FHIT: variants seen among roughly 807,000 people sequenced by gnomAD.
FHIT encodes fragile histidine triad diadenosine triphosphatase, also known as bis(5'-adenosyl)-triphosphatase.
A neutral mutation model predicts 17.9 loss-of-function variants in FHIT; 19 were observed. The ratio of observed to expected loss-of-function variants is 1.06; its 90% CI spans 0.74 to 1.56. The LOEUF (loss-of-function observed/expected upper bound fraction) is 1.56. Among genes scored for constraint, FHIT ranks in the 40% most tolerant of loss-of-function variants. FHIT has a pLI of 0.00. For missense variants in FHIT, 248 were observed against 189.2 expected (o/e 1.31, Z -1.82); for synonymous variants, 81 against 69.7 (o/e 1.16, Z -0.81).
intron 8 of FHIT, among the ~76,000 whole-genome samples, chr3:59,775,479 T>C (rs575000427): frequency 5.3e-5 from 8 of 152,176 alleles, no homozygotes; most frequent in Non-Finnish European, 1.2e-4. Flanking sequence ...ACACAATCCA[T>C]TCCCGAGTTT....
intron 5 of FHIT, among the ~76,000 whole-genome samples, chr3:60,366,020 C>T (rs1393245038): frequency 6.6e-6 from 1 of 152,106 alleles, no homozygotes; most frequent in Non-Finnish European, 1.5e-5. Context: ...AAAATATATG[C>T]CTGACTATAA....
intron 2 of FHIT, among the ~76,000 whole-genome samples, chr3:61,120,114 T>C (rs949129397): frequency 1.1e-4 from 16 of 152,324 alleles, no homozygotes; most frequent in Admixed American, 9.2e-4. Context: ...CTGGGTTCAA[T>C]TCTTCACTGT....
intron 4 of FHIT, among the ~76,000 whole-genome samples, chr3:60,643,586 T>G (rs1457693945): frequency 6.6e-6 from 1 of 152,192 alleles, no homozygotes; most frequent in Non-Finnish European, 1.5e-5. Context: ...AAAACCAAGT[T>G]ACTTGCATTC....
At chr3:60,089,139 C>G (rs182729192) in intron 5 of FHIT, among the ~76,000 whole-genome samples, 2 of 152,112 alleles carry the variant, frequency 1.3e-5, no homozygotes, top group East Asian at 1.9e-4. Context: ...CCACACGGTT[C>G]CACAGGAGAT....
At chr3:61,237,006 C>T (rs2040245604) in intron 1 of FHIT, among the ~76,000 whole-genome samples, 4 of 152,276 alleles carry the variant, frequency 2.6e-5, no homozygotes, top group African/African-American at 9.6e-5. Flanking sequence ...TGGAGGGTTG[C>T]CTCAGACACA....
intron 4 of FHIT, among the ~76,000 whole-genome samples, chr3:60,681,081 C>A (rs1476955382): frequency 6.6e-6 from 1 of 152,192 alleles, no homozygotes. Context: ...CATTGCACTT[C>A]ACAGATAATG....
At chr3:60,918,004 T>G (rs1707093565) in intron 3 of FHIT, among the ~76,000 whole-genome samples, 2 of 152,208 alleles carry the variant, frequency 1.3e-5, no homozygotes, top group African/African-American at 4.8e-5. Flanking sequence ...AATTCCCACA[T>G]GTCAAAGGCA....
intron 5 of FHIT, among the ~76,000 whole-genome samples, chr3:60,252,839 C>T (rs1435224644): frequency 6.8e-6 from 1 of 148,016 alleles, no homozygotes; most frequent in East Asian, 2.0e-4. Context: ...AAAAAAAATA[C>T]AAAAAAAAAT....
At chr3:60,524,894 G>A (rs993573379) in intron 5 of FHIT, among the ~76,000 whole-genome samples, 2 of 152,160 alleles carry the variant, frequency 1.3e-5, no homozygotes, top group Non-Finnish European at 2.9e-5. Flanking sequence ...TTCCTAATAA[G>A]GTACCATTCA....
At chr3:60,325,819 G>A (rs760652175) in intron 5 of FHIT, among the ~76,000 whole-genome samples, 14 of 152,160 alleles carry the variant, frequency 9.2e-5, no homozygotes, top group African/African-American at 2.4e-4. Flanking sequence ...AAGGAGATTC[G>A]CTTTATAGGA....
chr3:59,803,409 C>T (rs559457891), intron 8 of FHIT, among the ~76,000 whole-genome samples: 4 of 152,182 alleles, frequency 2.6e-5, no homozygotes, highest in Admixed American at 6.5e-5. Context: ...CCTGGGTGAG[C>T]GGGCTTGCTT....
intron 1 of FHIT, among the ~76,000 whole-genome samples, chr3:61,217,160 A>T (rs530728686): frequency 2.6e-5 from 4 of 152,304 alleles, no homozygotes; most frequent in Middle Eastern, 3.4e-3. Context: ...TAAAATAAAA[A>T]AATAAAAATA....
intron 5 of FHIT, among the ~76,000 whole-genome samples, chr3:60,474,034 T>C (rs1049721408): frequency 6.6e-6 from 1 of 152,066 alleles, no homozygotes; most frequent in African/African-American, 2.4e-5. Flanking sequence ...TACTCAGAAC[T>C]AGAAAAAAAG....
At chr3:60,608,307 C>G (rs999681233) in intron 4 of FHIT, among the ~76,000 whole-genome samples, 2 of 151,976 alleles carry the variant, frequency 1.3e-5, no homozygotes, top group East Asian at 3.8e-4. Context: ...CGGGGGTAAA[C>G]ACAAACACTC....
At chr3:61,170,859 A>T (rs2037982939) in intron 2 of FHIT, among the ~76,000 whole-genome samples, 1 of 152,194 alleles carries the variant, frequency 6.6e-6, no homozygotes, top group Non-Finnish European at 1.5e-5. Flanking sequence ...TTTATAACAC[A>T]ATGATTTATA....
chr3:61,005,783 G>C (rs1269882173), intron 3 of FHIT, among the ~76,000 whole-genome samples: 2 of 152,108 alleles, frequency 1.3e-5, no homozygotes, highest in Non-Finnish European at 2.9e-5. Flanking sequence ...TAGAACACTT[G>C]GAACAGCCTG....
intron 8 of FHIT, among the ~76,000 whole-genome samples, chr3:59,792,279 G>A (rs898080140): frequency 4.6e-5 from 7 of 152,194 alleles, no homozygotes; most frequent in Non-Finnish European, 8.8e-5. Context: ...ACCTAGAAGA[G>A]AATGTCTTCT....
intron 4 of FHIT, among the ~76,000 whole-genome samples, chr3:60,798,893 G>T (rs1701086995): frequency 1.3e-5 from 2 of 151,294 alleles, no homozygotes; most frequent in African/African-American, 4.9e-5. Flanking sequence ...AAGTAGCTGG[G>T]ATCACAGGTG....
intron 5 of FHIT, among the ~76,000 whole-genome samples, chr3:60,204,234 T>TA (rs1703053532): frequency 6.6e-6 from 1 of 152,002 alleles, no homozygotes; most frequent in Admixed American, 6.6e-5. Context: ...AATGAGAAAT[T>TA]AAAAAATGGG....
Sources: gnomAD v4.1 joint callset for allele counts (sites outside exome capture counted in the v4.1 genomes callset) on GRCh38, gnomAD v4.1.1 for gene constraint, MANE v1.5 for transcripts, NCBI Gene and HGNC (gene_info 2026-07-23, HGNC 2026-07-21) for gene names.